PLCB1: variants seen among roughly 807,000 people sequenced by gnomAD.
PLCB1 encodes phospholipase C beta 1.
A neutral mutation model predicts 161.8 loss-of-function variants in PLCB1; 46 were observed. That is an observed-to-expected ratio of 0.28 (90% CI 0.22 to 0.36). The LOEUF (loss-of-function observed/expected upper bound fraction) is 0.36. PLCB1 is among the 10% of genes least tolerant of loss of function. The pLI is 1.00. For missense variants in PLCB1, 1,016 were observed against 1,472.5 expected (o/e 0.69, Z 5.07); for synonymous variants, 517 against 503.7 (o/e 1.03, Z -0.35).
At chr20:8,354,016 T>C (rs1280650618) in intron 2 of PLCB1, among the ~76,000 whole-genome samples, 1 of 147,460 alleles carries the variant, frequency 6.8e-6, no homozygotes, top group Admixed American at 6.7e-5. Flanking sequence ...TAGAAGGCTA[T>C]TTAAAAAAAA....
intron 2 of PLCB1, among the ~76,000 whole-genome samples, chr20:8,196,209 T>C (rs1004548092): frequency 3.3e-5 from 5 of 152,088 alleles, no homozygotes; most frequent in Non-Finnish European, 7.4e-5. Flanking sequence ...ATATCAGCAT[T>C]CTTGGCAAAA....
chr20:8,505,522 C>T (rs1484565324), intron 3 of PLCB1, among the ~76,000 whole-genome samples: 1 of 152,226 alleles, frequency 6.6e-6, no homozygotes, highest in Non-Finnish European at 1.5e-5. Context: ...GAAATATAGC[C>T]TACTAGTCAG....
At chr20:8,401,865 C>A (rs528892688) in intron 3 of PLCB1, among the ~76,000 whole-genome samples, 3 of 152,300 alleles carry the variant, frequency 2.0e-5, no homozygotes, top group African/African-American at 7.2e-5. Context: ...TTCCAGTATG[C>A]CCAGGGGTGA....
At chr20:8,471,146 C>T (rs935548802) in intron 3 of PLCB1, among the ~76,000 whole-genome samples, 1 of 152,100 alleles carries the variant, frequency 6.6e-6, no homozygotes, top group Non-Finnish European at 1.5e-5. Flanking sequence ...CACCATTTTC[C>T]AAATTGTTCC....
intron 31 of PLCB1, among the ~76,000 whole-genome samples, chr20:8,813,827 T>A (rs772047624): frequency 3.9e-5 from 6 of 152,176 alleles, no homozygotes; most frequent in African/African-American, 7.2e-5. Context: ...GATTCTGTTT[T>A]AAATAAATAA....
chr20:8,457,714 G>GCGCACACACACACACA (rs1555808428), intron 3 of PLCB1, among the ~76,000 whole-genome samples: 4 of 145,864 alleles, frequency 2.7e-5, no homozygotes, highest in South Asian at 2.2e-4. Flanking sequence ...ATGTGTGCGC[G>GCGCACACACACACACA]CACACACACA....
chr20:8,741,480 A>G lies in PLCB1; in HGVS notation c.2430A>G (p.Leu810=), dbSNP rs1260173395. The G allele has an allele frequency of 6.2e-7, 1 of 1,613,202 alleles. No individual in the cohort carries two copies. Among genetic ancestry groups the G allele is most frequent in the South Asian group, 1.1e-5 (1 of 91,046 alleles). ...CCTATTTAGATGTCATCGAAGCTTTATCAAACCCAATCCGATATGTGAACC... is the reference window on the plus strand; with the variant it reads ...CCTATTTAGATGTCATCGAAGCTTTGTCAAACCCAATCCGATATGTGAACC... The part of the protein sequence containing the change: ...PDTYADVIEA[L]SNPIRYVNLM... Residue 810 remains leucine, a synonymous_variant, in exon 23 of 32, where the codon TTA becomes TTG. Coordinates refer to ENST00000338037, the MANE Select transcript of PLCB1 (RefSeq NM_015192.4).
Position 8,451,027 on chromosome 20 carries a change from G to A in PLCB1, c.246+79577G>A, listed in dbSNP as rs185007007. ...AAAATAAGGCAAGATTCTAACTGCTGTCCATGTTCAAGAACTATAACAGTA... is the reference window on the plus strand; with the variant it reads ...AAAATAAGGCAAGATTCTAACTGCTATCCATGTTCAAGAACTATAACAGTA... On this transcript the variant is annotated intron_variant, in intron 3 of 31. Transcript: ENST00000338037. Among the ~76,000 whole-genome samples, 242 of 152,298 alleles carry A rather than the reference G, an allele frequency of 1.6e-3. 2 individuals carry two copies. Among genetic ancestry groups the A allele is most frequent in the Admixed American group, 3.3e-3 (51 of 15,298 alleles).
At chr20:8,704,929 G>A (rs1363644965) in intron 11 of PLCB1, among the ~76,000 whole-genome samples, 2 of 146,716 alleles carry the variant, frequency 1.4e-5, no homozygotes, top group African/African-American at 5.0e-5. Context: ...GGTAGGAGAA[G>A]ACCAATGTCC....
At chr20:8,395,381 CA>C (rs1396162766) in intron 3 of PLCB1, among the ~76,000 whole-genome samples, 1 of 151,742 alleles carries the variant, frequency 6.6e-6, no homozygotes, top group African/African-American at 2.4e-5. Context: ...TTATGGATAC[CA>C]GATGAAAATC....
intron 31 of PLCB1, among the ~76,000 whole-genome samples, chr20:8,871,554 C>T (rs958915082): frequency 1.3e-5 from 2 of 152,148 alleles, no homozygotes; most frequent in Non-Finnish European, 2.9e-5. Context: ...TTTTATTTTC[C>T]CCGTATCCAT....
chr20:8,724,875 A>C, intron 16 of PLCB1, 123 bp downstream of exon 16: 2 of 612,286 alleles, frequency 3.3e-6, no homozygotes, highest in Non-Finnish European at 2.9e-6. Flanking sequence ...AGTCTTAAAT[A>C]TATGTACATT....
At chr20:8,464,745 G>A (rs1039980764) in intron 3 of PLCB1, among the ~76,000 whole-genome samples, 3 of 152,110 alleles carry the variant, frequency 2.0e-5, no homozygotes, top group African/African-American at 7.2e-5. Context: ...ACTATTGTTT[G>A]TGTAATGTAT....
chr20:8,620,415 C>G (rs6055952), intron 3 of PLCB1, among the ~76,000 whole-genome samples: 1 of 151,952 alleles, frequency 6.6e-6, no homozygotes, highest in Admixed American at 6.6e-5. Flanking sequence ...TTTCTTCAAA[C>G]GACAGAGCCG....
At chr20:8,413,771 CTG>C (rs1979149220) in intron 3 of PLCB1, among the ~76,000 whole-genome samples, 1 of 152,202 alleles carries the variant, frequency 6.6e-6, no homozygotes, top group Admixed American at 6.5e-5. Flanking sequence ...GCAACTTTCA[CTG>C]TCTCAGATTA....
At chr20:8,528,878 C>T (rs1159775156) in intron 3 of PLCB1, among the ~76,000 whole-genome samples, 1 of 151,760 alleles carries the variant, frequency 6.6e-6, no homozygotes, top group Non-Finnish European at 1.5e-5. Context: ...TGGATATTTC[C>T]TATATAATGC....
chr20:8,277,029 TCTCA>T (rs1982614839), intron 2 of PLCB1, among the ~76,000 whole-genome samples: 1 of 147,892 alleles, frequency 6.8e-6, no homozygotes, highest in Admixed American at 6.8e-5. Context: ...AGAGATGGAG[TCTCA>T]CTCTGTTGCC....
intron 3 of PLCB1, among the ~76,000 whole-genome samples, chr20:8,550,344 T>G (rs1249617601): frequency 6.6e-6 from 1 of 152,182 alleles, no homozygotes; most frequent in Non-Finnish European, 1.5e-5. Context: ...AATCCCCATG[T>G]GTCAAGGACA....
At chr20:8,809,420 C>CT (rs1984703257) in intron 31 of PLCB1, among the ~76,000 whole-genome samples, 1 of 152,140 alleles carries the variant, frequency 6.6e-6, no homozygotes, top group African/African-American at 2.4e-5. Flanking sequence ...AGTGGTGGCT[C>CT]TGACAGTCTG....
Sources: allele counts gnomAD v4.1 joint callset (sites outside exome capture counted in the v4.1 genomes callset), GRCh38; gene constraint gnomAD v4.1.1; transcripts MANE v1.5; gene names NCBI Gene and HGNC (gene_info 2026-07-23, HGNC 2026-07-21).